Variants in MAP4 observed in about 807,000 individuals in gnomAD.
MAP4 encodes microtubule associated protein 4.
MAP4 carries 76 observed loss-of-function variants against 170.2 expected under a neutral mutation model. The observed-to-expected ratio is 0.45, with a 90% CI of 0.37 to 0.54. The LOEUF (loss-of-function observed/expected upper bound fraction) is 0.54, where lower values mean the gene tolerates loss of function less well. MAP4 is among the 20% of genes least tolerant of loss of function. MAP4 has a pLI of 0.00. For missense variants in MAP4, 2,506 were observed against 2,748.0 expected (o/e 0.91, Z 1.97); for synonymous variants, 909 against 994.5 (o/e 0.91, Z 1.62).
Position 48,010,830 on chromosome 3 carries a change from T to A in MAP4, c.-20+5504A>T, listed in dbSNP as rs576876260. Among the ~76,000 whole-genome samples the A allele has an allele frequency of 2.6e-5, 4 of 152,276 alleles. No individual in the cohort carries two copies. The East Asian group carries it at 7.7e-4, about 29-fold the overall frequency. ...AAGAGATGGGCCTAGCCTCCCAGCC[T>A]ATATCTTTCTCCCGTGCTGGATGCT... On this transcript the variant is annotated intron_variant, in intron 1 of 20. Transcript: ENST00000683076.
intron 2 of MAP4, among the ~76,000 whole-genome samples, chr3:47,990,327 A>G (rs1408499033): frequency 2.0e-5 from 3 of 152,270 alleles, no homozygotes; most frequent in East Asian, 3.9e-4. Context: ...GGTGTGTGGC[A>G]GGGTACGGTG....
intron 2 of MAP4, among the ~76,000 whole-genome samples, chr3:47,987,138 C>T (rs1195345126): frequency 6.6e-6 from 1 of 152,166 alleles, no homozygotes; most frequent in Non-Finnish European, 1.5e-5. Flanking sequence ...TGATTCTCTC[C>T]GGTCACTTGT....
rs2100034763 is a variant in MAP4, at chr3:47,909,348, T to A, written c.5073A>T (p.Glu1691Asp). Residue 1691 changes from glutamate (E) to aspartate (D), a missense_variant, in exon 9 of 21, where the codon GAA (glutamate) becomes GAT (aspartate). Glu to Asp is a conservative substitution (Grantham distance 45). Transcript: ENST00000683076. ...ELESVSLPTPEIQSDFLHSKV... is the reference protein window; with the variant it reads ...ELESVSLPTPDIQSDFLHSKV... ...TGCTATGTAAGAAATCTGACTGGAT[T>A]TCTGGTGTTGGCAAGGAAACGCTTT... is the stretch of plus-strand genomic sequence containing the variant. 6.2e-7 allele frequency: 1 copy of A among 1,613,852 alleles called. No homozygotes were observed. Among genetic ancestry groups the A allele is most frequent in the South Asian group, 1.1e-5 (1 of 91,082 alleles).
At chr3:47,888,154 T>C (rs1347114703) in intron 10 of MAP4, among the ~76,000 whole-genome samples, 1 of 152,214 alleles carries the variant, frequency 6.6e-6, no homozygotes, top group African/African-American at 2.4e-5. Flanking sequence ...CCTTTGTATC[T>C]AGCTCAGGGA....
intron 3 of MAP4, among the ~76,000 whole-genome samples, chr3:47,960,072 CGG>C (rs1219989839): frequency 6.6e-6 from 1 of 151,934 alleles, no homozygotes; most frequent in East Asian, 1.9e-4. Flanking sequence ...TCATGTTGGC[CGG>C]GCTGGTCTTG....
Position 47,871,242 on chromosome 3 carries a change from C to A in MAP4, c.5986G>T (p.Ala1996Ser). 6.2e-7 allele frequency: 1 copy of A among 1,614,184 alleles called. No individual in the cohort carries two copies. Among genetic ancestry groups the A allele is most frequent in the East Asian group, 2.2e-5 (1 of 44,888 alleles). ...GGGCTATTACCTGGTACAGACTTTG[C>A]AGTCATCTTCTTGACTTCTGCAGGT... ...GKPAEVKKMT[A>S]KSVPADLSRP... The change falls in exon 14 of 21, where the codon GCA (alanine) becomes TCA (serine). Residue 1996 changes from alanine to serine, a missense_variant. This residue lies in a region of MAP4 where 487 missense variants were observed against 511.6 expected (regional missense o/e 0.95). Transcript: ENST00000683076.
At chr3:47,967,432 C>A (rs1320599559) in intron 3 of MAP4, among the ~76,000 whole-genome samples, 1 of 151,968 alleles carries the variant, frequency 6.6e-6, no homozygotes, top group Non-Finnish European at 1.5e-5. Context: ...ATGGGCAGAT[C>A]ACTGAGGTCA....
At chr3:48,005,411 C>A (rs945033598) in intron 1 of MAP4, among the ~76,000 whole-genome samples, 3 of 151,944 alleles carry the variant, frequency 2.0e-5, no homozygotes, top group African/African-American at 7.3e-5. Flanking sequence ...ATCTGGAGAA[C>A]AGGCATGGGA....
At chr3:48,052,694 T>A (rs1490347453) in intron 1 of MAP4, among the ~76,000 whole-genome samples, 1 of 152,196 alleles carries the variant, frequency 6.6e-6, no homozygotes, top group African/African-American at 2.4e-5. Flanking sequence ...CCAGATCTCA[T>A]AAATTAGAAT....
chr3:48,009,766 AG>A (rs1258186125), intron 1 of MAP4, among the ~76,000 whole-genome samples: 5 of 152,186 alleles, frequency 3.3e-5, no homozygotes, highest in African/African-American at 7.2e-5. Flanking sequence ...CATCACCCCT[AG>A]TGATCCACTA....
chr3:47,970,401 C>T (rs909028016), intron 3 of MAP4, among the ~76,000 whole-genome samples: 1 of 152,076 alleles, frequency 6.6e-6, no homozygotes, highest in African/African-American at 2.4e-5. Flanking sequence ...AGGAGAATTG[C>T]TTGAACCCAG....
At chr3:48,051,113 C>CAT (rs1335324366) in intron 1 of MAP4, among the ~76,000 whole-genome samples, 3 of 151,792 alleles carry the variant, frequency 2.0e-5, no homozygotes, top group Non-Finnish European at 4.4e-5. Flanking sequence ...CACACACACA[C>CAT]ACACACACAC....
chr3:48,085,119 A>G (rs980122823), intron 1 of MAP4, among the ~76,000 whole-genome samples: 1 of 151,720 alleles, frequency 6.6e-6, no homozygotes, highest in Non-Finnish European at 1.5e-5. Flanking sequence ...CTGGGTCAAA[A>G]TGTTCCTCTC....
chr3:47,906,690 A>C (rs2100033262), intron 9 of MAP4, among the ~76,000 whole-genome samples: 1 of 151,990 alleles, frequency 6.6e-6, no homozygotes, highest in Admixed American at 6.6e-5. Context: ...TCTCAAAAAA[A>C]AAAAAAGTAC....
At chr3:47,961,429 G>T (rs2100071511) in intron 3 of MAP4, among the ~76,000 whole-genome samples, 1 of 152,164 alleles carries the variant, frequency 6.6e-6, no homozygotes, top group Admixed American at 6.5e-5. Context: ...TAGAACAAGG[G>T]TGAGAGTTTC....
intron 3 of MAP4, among the ~76,000 whole-genome samples, chr3:47,954,958 A>G (rs1012273039): frequency 5.3e-5 from 8 of 152,302 alleles, no homozygotes; most frequent in Middle Eastern, 6.8e-3. Flanking sequence ...AAGCCCCTAG[A>G]ACTTACCCTC....
intron 9 of MAP4, among the ~76,000 whole-genome samples, chr3:47,904,090 GAAGCAAGTCT>G (rs1222200256): frequency 6.6e-6 from 1 of 152,134 alleles, no homozygotes; most frequent in Non-Finnish European, 1.5e-5. Context: ...GGAAGCTTCT[GAAGCAAGTCT>G]AAGAAAAGCA....
chr3:48,055,192 C>G (rs2100130225), intron 1 of MAP4, among the ~76,000 whole-genome samples: 1 of 106,188 alleles, frequency 9.4e-6, no homozygotes, highest in East Asian at 2.3e-4. Flanking sequence ...CTCTCCCTCT[C>G]CCTCTCCGTC....
chr3:48,055,177 TCTCC>T (rs112658696), intron 1 of MAP4, among the ~76,000 whole-genome samples: 78 of 35,484 alleles, frequency 2.2e-3, no homozygotes, highest in African/African-American at 4.8e-3. Flanking sequence ...CTTTAAAAAG[TCTCC>T]CTCTCCCTCT....
Sources: gnomAD v4.1 joint callset for allele counts (sites outside exome capture counted in the v4.1 genomes callset) on GRCh38, gnomAD v4.1.1 for gene constraint, gnomAD v4.1.1 regional missense constraint, MANE v1.5 for transcripts, NCBI Gene and HGNC (gene_info 2026-07-23, HGNC 2026-07-21) for gene names.